The following GPHN variants were observed in gnomAD, a reference collection of about 807,000 sequenced individuals.
The protein encoded by GPHN is gephyrin.
A neutral mutation model predicts 95.5 loss-of-function variants in GPHN; 17 were observed. That is an observed-to-expected ratio of 0.18 (90% confidence interval 0.12 to 0.27). The LOEUF is 0.27. GPHN is among the 10% of genes least tolerant of loss of function. The pLI is 1.00. For missense variants in GPHN, 660 were observed against 978.1 expected, an observed-to-expected ratio of 0.67 and a Z score of 4.34; for synonymous variants, 320 against 322.5, an observed-to-expected ratio of 0.99 and a Z score of 0.08.
chr14:66,868,830 T>G (rs1210233311), intron 4 of GPHN, among the ~76,000 whole-genome samples: 1 of 152,180 alleles, frequency 6.6e-6, no homozygotes, highest in Non-Finnish European at 1.5e-5. Context: ...TTGACACTGT[T>G]TTTACAGCTT....
At chr14:67,600,328 G>A in the GPHN span, 1 of 789,138 alleles carries the variant, frequency 1.3e-6, no homozygotes, top group South Asian at 2.0e-5. Flanking sequence ...AGCCTGCGCA[G>A]CCTCAGTTGC....
chr14:66,623,885 G>A (rs2063413710), intron 1 of GPHN, among the ~76,000 whole-genome samples: 2 of 152,148 alleles, frequency 1.3e-5, no homozygotes, highest in African/African-American at 2.4e-5. Flanking sequence ...TGAAGATGAA[G>A]GGGAAGAGCT....
chr14:67,102,512 G>A (rs1452717111), intron 13 of GPHN, among the ~76,000 whole-genome samples: 2 of 151,660 alleles, frequency 1.3e-5, no homozygotes, highest in Non-Finnish European at 2.9e-5. Context: ...AATACAAAAT[G>A]AGCCAGGCGT....
chr14:67,213,998 T>A, the GPHN span, among the ~76,000 whole-genome samples: 2 of 152,242 alleles, frequency 1.3e-5, no homozygotes, highest in Non-Finnish European at 2.9e-5. Context: ...CTTCGCCCAC[T>A]TTTTGATGGG....
chr14:66,509,959 G>A (rs748749745), intron 1 of GPHN, among the ~76,000 whole-genome samples: 3 of 152,118 alleles, frequency 2.0e-5, no homozygotes, highest in Non-Finnish European at 4.4e-5. Context: ...TTTAAGTAAA[G>A]GATTGCCTTT....
intron 3 of GPHN, among the ~76,000 whole-genome samples, chr14:66,784,882 T>C (rs1043718710): frequency 2.6e-5 from 4 of 152,228 alleles, no homozygotes; most frequent in Non-Finnish European, 5.9e-5. Flanking sequence ...GTCTTAATAC[T>C]TACCTTAAAT....
At chr14:66,893,214 A>G (rs183217534) in intron 5 of GPHN, among the ~76,000 whole-genome samples, 8 of 152,304 alleles carry the variant, frequency 5.3e-5, no homozygotes, top group Admixed American at 5.2e-4. Context: ...GGCAATAGGA[A>G]CAGCTCCAGT....
the GPHN span, chr14:67,578,499 C>G: frequency 7.1e-7 from 1 of 1,418,412 alleles, no homozygotes. The surrounding 1 kb of genome is among the most constrained non-coding windows in gnomAD (Gnocchi z 5.0). Context: ...GCTGTAGGCC[C>G]AGCACTCACC....
intron 4 of GPHN, among the ~76,000 whole-genome samples, chr14:66,856,502 A>G (rs1253849732): frequency 6.6e-6 from 1 of 152,110 alleles, no homozygotes; most frequent in Non-Finnish European, 1.5e-5. Context: ...TAGTAAATAG[A>G]AGAGTAGCGT....
the GPHN span, among the ~76,000 whole-genome samples, chr14:67,396,072 G>A: frequency 6.6e-6 from 1 of 152,238 alleles, no homozygotes; most frequent in East Asian, 1.9e-4. Flanking sequence ...TAAGCATCAA[G>A]TCTTTCACAC....
the GPHN span, chr14:67,294,490 A>C: frequency 6.6e-6 from 1 of 152,106 alleles, no homozygotes; most frequent in South Asian, 2.1e-4. Context: ...AAAAAAAAAA[A>C]CTCAAGAAAT....
intron 3 of GPHN, among the ~76,000 whole-genome samples, chr14:66,778,952 C>A (rs2059502632): frequency 6.6e-6 from 1 of 151,530 alleles, no homozygotes; most frequent in African/African-American, 2.4e-5. Context: ...TCAAGTTGGC[C>A]AGGCTGGTCT....
At chr14:67,206,008 AC>A in the GPHN span, among the ~76,000 whole-genome samples, 1 of 152,050 alleles carries the variant, frequency 6.6e-6, no homozygotes, top group Non-Finnish European at 1.5e-5. Context: ...ACATGGCGAA[AC>A]CCCATCTCTA....
the GPHN span, among the ~76,000 whole-genome samples, chr14:67,355,323 TC>T: frequency 6.6e-6 from 1 of 151,506 alleles, no homozygotes; most frequent in Non-Finnish European, 1.5e-5. Flanking sequence ...TTTTTCCCCA[TC>T]AGAAGCCCCA....
At chr14:67,645,926 A>G in the GPHN span, 1 of 1,108,260 alleles carries the variant, frequency 9.0e-7, no homozygotes, top group Non-Finnish European at 1.3e-6. Context: ...TCATTTGTTC[A>G]TCACTATTAT....
intron 4 of GPHN, among the ~76,000 whole-genome samples, chr14:66,847,294 C>T (rs2062378588): frequency 6.6e-6 from 1 of 152,078 alleles, no homozygotes; most frequent in Non-Finnish European, 1.5e-5. Context: ...TTTGCTTTGC[C>T]TGCATTCATT....
At chr14:67,561,044 C>CT in the GPHN span, among the ~76,000 whole-genome samples, 6 of 152,288 alleles carry the variant, frequency 3.9e-5, no homozygotes, top group African/African-American at 1.2e-4. Context: ...AAACATACAT[C>CT]TTTTCCTCTG....
intron 1 of GPHN, among the ~76,000 whole-genome samples, chr14:66,628,010 G>C (rs184425269): frequency 6.6e-6 from 1 of 151,936 alleles, no homozygotes; most frequent in Non-Finnish European, 1.5e-5. Context: ...TTGTCTTTTT[G>C]TGCCCTAAAA....
intron 3 of GPHN, among the ~76,000 whole-genome samples, chr14:66,778,512 T>C (rs2059475041): frequency 6.6e-6 from 1 of 152,072 alleles, no homozygotes. Context: ...TATGTTGTTC[T>C]TTTTCAAAAG....
Sources: allele counts gnomAD v4.1 joint callset (sites outside exome capture counted in the v4.1 genomes callset), GRCh38; gene constraint gnomAD v4.1.1; non-coding constraint Gnocchi (gnomAD v3.1); transcripts MANE v1.5; gene names NCBI Gene and HGNC (gene_info 2026-07-23, HGNC 2026-07-21).